GSTCD: variants seen among roughly 807,000 people sequenced by gnomAD.
GSTCD encodes the protein glutathione S-transferase C-terminal domain-containing protein.
GSTCD carries 44 observed loss-of-function variants against 68.3 expected under a neutral mutation model. That is an observed-to-expected ratio of 0.64 (90% CI 0.51 to 0.83). GSTCD has a LOEUF of 0.83. GSTCD is among the 40% of genes least tolerant of loss of function. The pLI is 0.00. For missense variants in GSTCD, 739 were observed against 735.9 expected, an observed-to-expected ratio of 1.00 and a Z score of -0.05; for synonymous variants, 273 against 255.2, an observed-to-expected ratio of 1.07 and a Z score of -0.67.
rs1732796925 is a variant in GSTCD at position 105,719,515 on chromosome 4, C to A, written c.882C>A (p.Ile294=). ...TLADIVLLPC[I]HHFLVIISRK... is the part of the protein sequence containing the mutation. ...CAGATATTGTGCTCTTGCCCTGTAT[C>A]CATCATTTCTTGGTAAGGTTTCATC... is the stretch of plus-strand genomic sequence containing the variant. Residue 294 remains isoleucine, a synonymous_variant, in exon 3 of 12, where the codon ATC becomes ATA. Coordinates refer to ENST00000515279, the MANE Select transcript of GSTCD (RefSeq NM_001370181.1). 6.2e-7 allele frequency: 1 copy of A among 1,612,584 alleles called. No homozygotes were observed. The highest frequency in any genetic ancestry group is 1.7e-4 in the Middle Eastern group (1 of 6,056).
At chr4:105,791,316 C>T (rs1262906818) in intron 5 of GSTCD, among the ~76,000 whole-genome samples, 2 of 150,046 alleles carry the variant, frequency 1.3e-5, no homozygotes, top group African/African-American at 2.5e-5. Flanking sequence ...TGGCGTGAAC[C>T]TGGGAGGCGG....
intron 4 of GSTCD, among the ~76,000 whole-genome samples, chr4:105,728,956 T>G (rs1733135433): frequency 6.6e-6 from 1 of 152,154 alleles, no homozygotes; most frequent in South Asian, 2.1e-4. Context: ...TGAGTGGTAT[T>G]TTGGGGTATG....
At chr4:105,747,710 T>A (rs1386829952) in intron 5 of GSTCD, among the ~76,000 whole-genome samples, 1 of 152,184 alleles carries the variant, frequency 6.6e-6, no homozygotes, top group Non-Finnish European at 1.5e-5. Context: ...TAAGTGGAAG[T>A]GAAAGTATCC....
intron 5 of GSTCD, among the ~76,000 whole-genome samples, chr4:105,786,231 C>T (rs985499210): frequency 2.7e-5 from 4 of 150,866 alleles, no homozygotes; most frequent in Non-Finnish European, 4.4e-5. Flanking sequence ...CTTTTAAGGC[C>T]GGGCATGGTG....
At chr4:105,772,088 A>C (rs974453903) in intron 5 of GSTCD, among the ~76,000 whole-genome samples, 4 of 152,084 alleles carry the variant, frequency 2.6e-5, no homozygotes, top group African/African-American at 7.2e-5. Flanking sequence ...CTTCACATCC[A>C]TTGTAAGTTG....
chr4:105,711,179 A>T (rs1732523512), intron 1 of GSTCD: 1 of 152,128 alleles, frequency 6.6e-6, no homozygotes, highest in Non-Finnish European at 1.5e-5. Context: ...AAAACACAAG[A>T]TAAGTTATAA....
intron 5 of GSTCD, among the ~76,000 whole-genome samples, chr4:105,744,967 T>G (rs955155793): frequency 2.6e-5 from 4 of 152,168 alleles, no homozygotes; most frequent in African/African-American, 9.7e-5. Context: ...TACTGATACA[T>G]CTATATCTTT....
chr4:105,835,183 G>A (rs923586752), intron 9 of GSTCD, among the ~76,000 whole-genome samples: 4 of 152,198 alleles, frequency 2.6e-5, no homozygotes, highest in Non-Finnish European at 4.4e-5. Flanking sequence ...TCCTTGGGGC[G>A]TCGCTTTGCC....
chr4:105,804,113 A>G (rs1002142718), intron 5 of GSTCD, among the ~76,000 whole-genome samples: 6 of 152,058 alleles, frequency 3.9e-5, no homozygotes, highest in East Asian at 1.9e-4. Flanking sequence ...TCTTAAGAGT[A>G]TATTTTAGTT....
chr4:105,804,472 G>A (rs903590762), intron 5 of GSTCD, among the ~76,000 whole-genome samples: 7 of 152,038 alleles, frequency 4.6e-5, no homozygotes, highest in African/African-American at 1.7e-4. Flanking sequence ...GGATTTATAT[G>A]TCATGATTAT....
intron 1 of GSTCD, among the ~76,000 whole-genome samples, chr4:105,717,359 C>T (rs1732711367): frequency 6.6e-6 from 1 of 152,106 alleles, no homozygotes; most frequent in Non-Finnish European, 1.5e-5. Context: ...CTGGGGTTTG[C>T]TCATTTTAAA....
At chr4:105,814,433 C>T (rs1421105813) in intron 5 of GSTCD, among the ~76,000 whole-genome samples, 1 of 151,834 alleles carries the variant, frequency 6.6e-6, no homozygotes, top group East Asian at 1.9e-4. Context: ...GCCAACATGG[C>T]AAAACCTCGT....
intron 5 of GSTCD, among the ~76,000 whole-genome samples, chr4:105,762,632 A>G (rs914363210): frequency 1.3e-5 from 2 of 152,136 alleles, no homozygotes. Context: ...CCAGGTTGCT[A>G]TTTACAGTGA....
At chr4:105,810,237 G>A (rs976555766) in intron 5 of GSTCD, among the ~76,000 whole-genome samples, 1 of 151,872 alleles carries the variant, frequency 6.6e-6, no homozygotes, top group South Asian at 2.1e-4. Context: ...CATCGCCCTG[G>A]TATTTTTTTT....
chr4:105,723,326 G>A (rs1292081247), intron 3 of GSTCD, among the ~76,000 whole-genome samples: 3 of 151,578 alleles, frequency 2.0e-5, no homozygotes, highest in Non-Finnish European at 4.4e-5. Context: ...AAATACAGAT[G>A]GCCTTCCATA....
chr4:105,715,772 C>T (rs2149203298), intron 1 of GSTCD, among the ~76,000 whole-genome samples: 1 of 149,400 alleles, frequency 6.7e-6, no homozygotes, highest in Non-Finnish European at 1.5e-5. Context: ...ACTTAAAAGA[C>T]AAGAGGTGCA....
chr4:105,790,228 T>G (rs1007944999), intron 5 of GSTCD, among the ~76,000 whole-genome samples: 3 of 152,074 alleles, frequency 2.0e-5, no homozygotes, highest in African/African-American at 7.3e-5. Context: ...AGTTGGATGC[T>G]TCTACAATAA....
chr4:105,790,826 G>A (rs974405297), intron 5 of GSTCD, among the ~76,000 whole-genome samples: 39 of 151,960 alleles, frequency 2.6e-4, no homozygotes, highest in Admixed American at 2.2e-3. Flanking sequence ...TGCCCTCAGT[G>A]CCTTTTTTTT....
intron 5 of GSTCD, among the ~76,000 whole-genome samples, chr4:105,791,968 G>GA (rs1251417462): frequency 1.3e-5 from 2 of 152,038 alleles, no homozygotes; most frequent in Admixed American, 6.5e-5. Context: ...AGCCCTTAGG[G>GA]AAAAATATAC....
Sources: gnomAD v4.1 joint callset for allele counts (sites outside exome capture counted in the v4.1 genomes callset) on GRCh38, gnomAD v4.1.1 for gene constraint, MANE v1.5 for transcripts, NCBI Gene and HGNC (gene_info 2026-07-23, HGNC 2026-07-21) for gene names.